The following SPMAP2L variants were observed in gnomAD, a reference collection of about 807,000 sequenced individuals.
SPMAP2L encodes sperm microtubule associated protein 2-like.
the SPMAP2L span, among the ~76,000 whole-genome samples, chr4:56,599,521 G>A: frequency 7.9e-5 from 12 of 151,994 alleles, no homozygotes; most frequent in Admixed American, 7.9e-4. Flanking sequence ...ACATGCATTA[G>A]CTATTTGTCC....
chr4:56,597,716 G>A, the SPMAP2L span, among the ~76,000 whole-genome samples: 1 of 152,002 alleles, frequency 6.6e-6, no homozygotes, highest in Non-Finnish European at 1.5e-5. Context: ...TATTTTTTAA[G>A]GTCTTTAGAA....
the SPMAP2L span, among the ~76,000 whole-genome samples, chr4:56,554,001 T>C: frequency 6.6e-6 from 1 of 152,086 alleles, no homozygotes; most frequent in Non-Finnish European, 1.5e-5. Flanking sequence ...CTTTATGTTT[T>C]TTTTTTTGTC....
chr4:56,621,594 T>A, the SPMAP2L span, among the ~76,000 whole-genome samples: 1 of 152,212 alleles, frequency 6.6e-6, no homozygotes, highest in Non-Finnish European at 1.5e-5. Flanking sequence ...TACATAGGAA[T>A]AGATCTATGA....
chr4:56,587,940 GT>G, the SPMAP2L span, among the ~76,000 whole-genome samples: 3 of 152,144 alleles, frequency 2.0e-5, no homozygotes, highest in African/African-American at 7.2e-5. Flanking sequence ...CACCAGCAGT[GT>G]AGAAGTGTTC....
At chr4:56,625,499 T>A in the SPMAP2L span, among the ~76,000 whole-genome samples, 1 of 152,108 alleles carries the variant, frequency 6.6e-6, no homozygotes, top group East Asian at 1.9e-4. Flanking sequence ...TTGAATTGTA[T>A]CTCCCAGAAT....
At chr4:56,592,725 C>A in the SPMAP2L span, among the ~76,000 whole-genome samples, 4 of 151,970 alleles carry the variant, frequency 2.6e-5, no homozygotes, top group South Asian at 8.3e-4. Context: ...CGCCGCCTGG[C>A]TGGGGGATCG....
At chr4:56,567,065 A>G in the SPMAP2L span, among the ~76,000 whole-genome samples, 1 of 152,048 alleles carries the variant, frequency 6.6e-6, no homozygotes, top group Non-Finnish European at 1.5e-5. Context: ...GTGATCATAC[A>G]TTTTACTTCT....
At chr4:56,581,221 G>A in the SPMAP2L span, among the ~76,000 whole-genome samples, 1,129 of 152,180 alleles carry the variant, frequency 7.4e-3, 21 homozygotes, top group South Asian at 0.064. Context: ...TTGGGAGGCC[G>A]AGGCAGGCAG....
At chr4:56,562,309 C>T in the SPMAP2L span, among the ~76,000 whole-genome samples, 2 of 150,672 alleles carry the variant, frequency 1.3e-5, no homozygotes, top group African/African-American at 2.4e-5. Context: ...TGATTTCTTC[C>T]AGAAAAAAAT....
the SPMAP2L span, among the ~76,000 whole-genome samples, chr4:56,581,527 G>A: frequency 6.6e-6 from 1 of 152,014 alleles, no homozygotes. Context: ...GGCTGAGGCT[G>A]GAGGATTGCT....
the SPMAP2L span, among the ~76,000 whole-genome samples, chr4:56,579,137 A>G: frequency 6.6e-6 from 1 of 152,014 alleles, no homozygotes; most frequent in Non-Finnish European, 1.5e-5. Context: ...TGAAACCTCT[A>G]CTCAAAAATG....
At chr4:56,534,800 A>G in the SPMAP2L span, among the ~76,000 whole-genome samples, 1 of 152,150 alleles carries the variant, frequency 6.6e-6, no homozygotes. Context: ...GTGGTGGCGC[A>G]TGCCTGTAAT....
At chr4:56,576,300 A>G in the SPMAP2L span, among the ~76,000 whole-genome samples, 1 of 152,288 alleles carries the variant, frequency 6.6e-6, no homozygotes, top group Non-Finnish European at 1.5e-5. Flanking sequence ...ATTAAGAGAA[A>G]TGACATGTTT....
At chr4:56,614,948 T>C in the SPMAP2L span, among the ~76,000 whole-genome samples, 19 of 152,138 alleles carry the variant, frequency 1.2e-4, no homozygotes, top group Admixed American at 4.6e-4. Context: ...TCAGCATGGA[T>C]GTTTATAAAA....
the SPMAP2L span, among the ~76,000 whole-genome samples, chr4:56,589,133 C>T: frequency 8.2e-4 from 124 of 152,026 alleles, 2 homozygotes; most frequent in Middle Eastern, 3.4e-3. Flanking sequence ...GGATTACAGG[C>T]GCCCACCACC....
chr4:56,593,990 T>C, the SPMAP2L span: 1 of 1,610,564 alleles, frequency 6.2e-7, no homozygotes, highest in Non-Finnish European at 8.5e-7. Context: ...GTGTGGCTGC[T>C]CAGTGAAGGA....
the SPMAP2L span, among the ~76,000 whole-genome samples, chr4:56,577,389 C>G: frequency 6.6e-6 from 1 of 152,064 alleles, no homozygotes; most frequent in Admixed American, 6.5e-5. Context: ...ACCATTCACA[C>G]CAGCCAAAAA....
chr4:56,589,100 T>C, the SPMAP2L span, among the ~76,000 whole-genome samples: 1 of 152,150 alleles, frequency 6.6e-6, no homozygotes, highest in Non-Finnish European at 1.5e-5. Flanking sequence ...GTGATTCTCC[T>C]GCTTCAGCCT....
At chr4:56,596,264 A>G in the SPMAP2L span, among the ~76,000 whole-genome samples, 1 of 151,840 alleles carries the variant, frequency 6.6e-6, no homozygotes, top group South Asian at 2.1e-4. Context: ...TTTTGATTGG[A>G]AAACAAAACA....
Sources: allele counts gnomAD v4.1 joint callset (sites outside exome capture counted in the v4.1 genomes callset), GRCh38; gene constraint gnomAD v4.1.1; transcripts MANE v1.5; gene names NCBI Gene and HGNC (gene_info 2026-07-23, HGNC 2026-07-21).